Variants in GTF3C1 observed in about 807,000 individuals in gnomAD.
GTF3C1 encodes general transcription factor IIIC subunit 1.
GTF3C1 carries 57 observed loss-of-function variants against 226.7 expected under a neutral mutation model. That is an observed-to-expected ratio of 0.25 (90% CI 0.20 to 0.31). The LOEUF is 0.31. Ranked by LOEUF, GTF3C1 falls within the 10% of genes least tolerant of loss-of-function variation. GTF3C1 has a pLI of 1.00. For synonymous variants in GTF3C1, 1,090 were observed against 1,084.8 expected (o/e 1.00, Z -0.09); for missense variants, 2,217 against 2,776.1 (o/e 0.80, Z 4.53).
rs760940594 is a variant in GTF3C1 at position 27,476,556 on chromosome 16, G to A, written c.4260-12C>T. 1 of 1,512,024 alleles carries A rather than the reference G, an allele frequency of 6.6e-7. No individual in the cohort carries two copies. The highest frequency in any genetic ancestry group is 9.2e-7 in the Non-Finnish European group (1 of 1,088,716). 93.7% of individuals were successfully genotyped at this position (1,512,024 alleles called of 1,614,324 possible). On this transcript the variant is annotated splice_polypyrimidine_tract_variant and intron_variant, in intron 28 of 36. Coordinates refer to ENST00000356183, the MANE Select transcript of GTF3C1 (RefSeq NM_001520.4). Reference sequence around the variant, plus strand: ...GGATGTCATCCACGCTGAAAGAGAGGGGGCAGCAGGGCACCATGAGACCAC... The same window carrying A: ...GGATGTCATCCACGCTGAAAGAGAGAGGGCAGCAGGGCACCATGAGACCAC...
In GTF3C1 at chr16:27,461,072, G is replaced by C. The variant is rs2087695671; in HGVS notation, c.*278C>G. On this transcript the variant is annotated 3_prime_UTR_variant, in exon 37 of 37. Coordinates refer to ENST00000356183, the MANE Select transcript of GTF3C1 (RefSeq NM_001520.4). The surrounding 1 kb of genome is among the most constrained non-coding windows in gnomAD (Gnocchi z 5.3). The stretch of plus-strand genomic sequence containing the variant: ...GTGCACAGGCGGGGCAAACTCTGGA[G>C]ACCCAGAGACAAGAAGCACCAACTC... 3.4e-5 allele frequency: 13 copies of C among 384,930 alleles called. 1 individual carries two copies. The South Asian group carries it at 7.7e-4, about 23-fold the overall frequency. The allele number at this position is 384,930 out of a possible 1,614,324, so 23.8% of individuals were successfully genotyped here. A position where few individuals can be genotyped will look rare whatever the true frequency, so the allele number is the denominator to read the frequency against.
At chr16:27,490,755 C>G (rs985041062) in intron 19 of GTF3C1, among the ~76,000 whole-genome samples, 1 of 152,162 alleles carries the variant, frequency 6.6e-6, no homozygotes, top group South Asian at 2.1e-4. Context: ...GTGATTCTTA[C>G]GCAGGCTAAT....
At chr16:27,545,194 C>G in intron 2 of GTF3C1, 120 bp downstream of exon 2, 2 of 751,584 alleles carry the variant, frequency 2.7e-6, no homozygotes, top group Admixed American at 3.9e-5. Context: ...CCAGGCTGGT[C>G]TTGAACTCCT....
chr16:27,476,507 T>A lies in GTF3C1; in HGVS notation c.4297A>T (p.Ile1433Phe). The A allele has an allele frequency of 1.9e-6, 3 of 1,613,338 alleles. No individual in the cohort carries two copies. Among genetic ancestry groups the A allele is most frequent in the Non-Finnish European group, 2.5e-6 (3 of 1,179,376 alleles). ...DIHFLVLQNL[I>F]QSTLALSDSQ... ...TCTGAGAGGGCCAGCGTGCTCTGGATCAGGTTCTGAAGCACCAGAAAGTGG... is the reference window on the plus strand; with the variant it reads ...TCTGAGAGGGCCAGCGTGCTCTGGAACAGGTTCTGAAGCACCAGAAAGTGG... The change falls in exon 29 of 37, where the codon ATC (isoleucine) becomes TTC (phenylalanine). Residue 1433 changes from isoleucine to phenylalanine, a missense_variant. Coordinates refer to ENST00000356183, the MANE Select transcript of GTF3C1 (RefSeq NM_001520.4).
At chr16:27,546,800 CTT>C (rs1217727293) in intron 1 of GTF3C1, among the ~76,000 whole-genome samples, 2 of 152,034 alleles carry the variant, frequency 1.3e-5, no homozygotes, top group East Asian at 3.9e-4. Context: ...GAGTTTTGAT[CTT>C]GTCACCCAGG....
intron 2 of GTF3C1, among the ~76,000 whole-genome samples, chr16:27,540,323 C>T (rs1266329752): frequency 6.6e-6 from 1 of 152,196 alleles, no homozygotes; most frequent in Non-Finnish European, 1.5e-5. Flanking sequence ...CTTTATATAT[C>T]TGAATTTCAC....
chr16:27,492,535 AG>A lies in GTF3C1; in HGVS notation c.2974-21del. On this transcript the variant is annotated intron_variant, in intron 18 of 36. Coordinates refer to ENST00000356183, the MANE Select transcript of GTF3C1 (RefSeq NM_001520.4). This position sits in a 1 kb window ranked among gnomAD's most constrained non-coding sequence, Gnocchi z 5.0. The stretch of plus-strand genomic sequence containing the variant: ...AAAGACCTAAGGGGAGACACCAGAC[AG>A]GGAGAACCCACATTGGGTCTGGCTG... 2 of 1,601,412 alleles carry A rather than the reference AG, an allele frequency of 1.2e-6. No homozygotes were observed. Among genetic ancestry groups the A allele is most frequent in the Non-Finnish European group, 1.7e-6 (2 of 1,168,474 alleles).
intron 1 of GTF3C1, among the ~76,000 whole-genome samples, chr16:27,546,342 T>C (rs1318032688): frequency 2.6e-5 from 4 of 152,080 alleles, no homozygotes; most frequent in Non-Finnish European, 4.4e-5. Context: ...CAAATATGAT[T>C]ACCTCTCCCC....
chr16:27,506,562 G>A (rs1414103984), intron 9 of GTF3C1, among the ~76,000 whole-genome samples: 1 of 152,184 alleles, frequency 6.6e-6, no homozygotes, highest in Non-Finnish European at 1.5e-5. Context: ...GTCTTAGACT[G>A]TTGGAAGGGA....
At chr16:27,476,910 T>A (rs920055340) in intron 28 of GTF3C1, among the ~76,000 whole-genome samples, 5 of 152,202 alleles carry the variant, frequency 3.3e-5, no homozygotes, top group African/African-American at 1.2e-4. Context: ...TTATCCAAGA[T>A]GGAAAAACAA....
At position 27,492,028 on chromosome 16, in the gene GTF3C1, A is replaced by C. The variant is rs1222945033; in HGVS notation, c.3151+310T>G. On this transcript the variant is annotated intron_variant, in intron 19 of 36. Transcript: ENST00000356183. The surrounding 1 kb of genome is among the most constrained non-coding windows in gnomAD (Gnocchi z 5.0). The stretch of plus-strand genomic sequence containing the variant: ...CGAAGGCAGGGCGGGCTGTGTTCTC[A>C]TTGTGGCACTGTCAGGCACAGGAAG... Among the ~76,000 whole-genome samples the C allele has an allele frequency of 2.0e-5, 3 of 152,184 alleles. No individual in the cohort carries two copies.
At position 27,497,901 on chromosome 16, in the gene GTF3C1, C is replaced by A. The variant is rs1596634944; in HGVS notation, c.2166-80G>T. 8.7e-6 allele frequency: 10 copies of A among 1,152,980 alleles called. No individual in the cohort carries two copies. In the East Asian group the frequency reaches 2.4e-4, roughly 27 times the overall value. The allele number at this position is 1,152,980 out of a possible 1,614,324, so 71.4% of individuals were successfully genotyped here. On this transcript the variant is annotated intron_variant, in intron 13 of 36. Transcript: ENST00000356183. Reference sequence around the variant, plus strand: ...AAGGACAGAGTCTGTCTGCATGAATCAGATACAGCCTCTTGGCCTGGGGGT... The same window carrying A: ...AAGGACAGAGTCTGTCTGCATGAATAAGATACAGCCTCTTGGCCTGGGGGT...
At chr16:27,542,805 C>T (rs2089106779) in intron 2 of GTF3C1, among the ~76,000 whole-genome samples, 1 of 152,206 alleles carries the variant, frequency 6.6e-6, no homozygotes, top group South Asian at 2.1e-4. Context: ...GGACCTTCCA[C>T]CATGCTATAA....
At chr16:27,494,579 C>G (rs2088286355) in intron 16 of GTF3C1, among the ~76,000 whole-genome samples, 184 bp downstream of exon 16, 1 of 152,160 alleles carries the variant, frequency 6.6e-6, no homozygotes, top group African/African-American at 2.4e-5. Context: ...CTAGTCTAAT[C>G]TATCTCGAAC....
chr16:27,489,114 C>G lies in GTF3C1; in HGVS notation c.3358G>C (p.Asp1120His). 6.2e-7 allele frequency: 1 copy of G among 1,613,948 alleles called. No individual in the cohort carries two copies. Among genetic ancestry groups the G allele is most frequent in the Non-Finnish European group, 8.5e-7 (1 of 1,179,840 alleles). Residue 1120 changes from aspartate (D) to histidine (H), a missense_variant, in exon 21 of 37, where the codon GAT becomes CAT. By Grantham distance (81) the Asp-to-His change is moderately conservative (BLOSUM62 -1). Coordinates refer to ENST00000356183, the MANE Select transcript of GTF3C1 (RefSeq NM_001520.4). ...TTGAGGTGTCCGTAGAAGCTGGAATCGAGCCCTGCGGCACCCAGCCCATCT... is the reference window on the plus strand; with the variant it reads ...TTGAGGTGTCCGTAGAAGCTGGAATGGAGCCCTGCGGCACCCAGCCCATCT... Reference protein sequence around the residue: ...PGDGLGAAGLDSSFYGHLKRN... With the variant: ...PGDGLGAAGLHSSFYGHLKRN...
intron 29 of GTF3C1, among the ~76,000 whole-genome samples, chr16:27,475,364 C>T (rs1261388668): frequency 6.6e-6 from 1 of 152,096 alleles, no homozygotes; most frequent in African/African-American, 2.4e-5. Context: ...CCTTTGTTTT[C>T]TTATTCTTTT....
chr16:27,492,720 A>T lies in GTF3C1; in HGVS notation c.2877-7T>A. On this transcript the variant is annotated splice_region_variant and splice_polypyrimidine_tract_variant and intron_variant, in intron 17 of 36. Coordinates refer to ENST00000356183, the MANE Select transcript of GTF3C1 (RefSeq NM_001520.4). This position sits in a 1 kb window ranked among gnomAD's most constrained non-coding sequence, Gnocchi z 5.0. ...CACCGAAAAAATGTAACGCCTAGAA[A>T]ACAGAGGGGGCGGGAGGTTCTCATC... 2.0e-6 allele frequency: 3 copies of T among 1,497,960 alleles called. No homozygotes were observed. The highest frequency in any genetic ancestry group is 2.8e-6 in the Non-Finnish European group (3 of 1,073,878). 92.8% of individuals were successfully genotyped at this position (1,497,960 alleles called of 1,614,324 possible).
intron 10 of GTF3C1, among the ~76,000 whole-genome samples, chr16:27,505,120 C>T (rs982122111): frequency 1.7e-4 from 26 of 152,104 alleles, no homozygotes; most frequent in Non-Finnish European, 2.8e-4. Context: ...ATTAGGTGAA[C>T]CGAATCACAT....
Position 27,470,386 on chromosome 16 carries a change from C to T in GTF3C1, c.4536G>A (p.Thr1512=), listed in dbSNP as rs144060955. The part of the protein sequence containing the change: ...QLSQTYYRIF[T]WRFPSTICTE... ...TGCAGATGGTGCTTGGAAATCGCCACGTAAAAATCCTACAGACAAAAAGAA... is the reference window on the plus strand; with the variant it reads ...TGCAGATGGTGCTTGGAAATCGCCATGTAAAAATCCTACAGACAAAAAGAA... The change falls in exon 31 of 37, where the codon ACG becomes ACA. Residue 1512 remains threonine (T), a synonymous_variant. Coordinates refer to ENST00000356183, the MANE Select transcript of GTF3C1 (RefSeq NM_001520.4). This position sits in a 1 kb window ranked among gnomAD's most constrained non-coding sequence, Gnocchi z 4.9. 2,160 of 1,612,472 alleles carry T rather than the reference C, an allele frequency of 1.3e-3. 2 individuals carry two copies. Among genetic ancestry groups the T allele is most frequent in the Non-Finnish European group, 1.7e-3 (1,998 of 1,179,120 alleles).
Sources: gnomAD v4.1 joint callset for allele counts (sites outside exome capture counted in the v4.1 genomes callset) on GRCh38, gnomAD v4.1.1 for gene constraint, Gnocchi (gnomAD v3.1) non-coding constraint, MANE v1.5 for transcripts, NCBI Gene and HGNC (gene_info 2026-07-23, HGNC 2026-07-21) for gene names.